UBR3: variants seen among roughly 807,000 people sequenced by gnomAD.
The protein encoded by UBR3 is ubiquitin protein ligase E3 component n-recognin 3.
A neutral mutation model predicts 243.2 loss-of-function variants in UBR3; 85 were observed. The ratio of observed to expected loss-of-function variants is 0.35; its 90% CI spans 0.29 to 0.42. The LOEUF (loss-of-function observed/expected upper bound fraction) is 0.42, where lower values mean the gene tolerates loss of function less well. Among genes scored for constraint, UBR3 ranks in the 10% least tolerant of loss-of-function variants. UBR3 has a pLI of 1.00. For synonymous variants in UBR3, 748 were observed against 799.8 expected (o/e 0.94, Z 1.09); for missense variants, 1,686 against 2,300.8 (o/e 0.73, Z 5.47).
intron 26 of UBR3, among the ~76,000 whole-genome samples, chr2:169,999,537 G>A (rs1248638012): frequency 6.6e-6 from 1 of 152,176 alleles, no homozygotes; most frequent in Admixed American, 6.5e-5. Flanking sequence ...AAGCATGTAA[G>A]TACATGCTTG....
intron 26 of UBR3, among the ~76,000 whole-genome samples, chr2:169,996,733 G>A (rs1349371866): frequency 2.5e-5 from 3 of 119,628 alleles, no homozygotes; most frequent in Non-Finnish European, 4.8e-5. Flanking sequence ...TCACTCCATC[G>A]CCAGGCTAGA....
intron 32 of UBR3, among the ~76,000 whole-genome samples, chr2:170,053,088 G>GAATT (rs2091258380): frequency 6.6e-6 from 1 of 152,166 alleles, no homozygotes; most frequent in African/African-American, 2.4e-5. Flanking sequence ...GTGCTGGAAA[G>GAATT]AATTAACATA....
Position 170,005,432 on chromosome 2 carries a change from T to C in UBR3, c.4030-1558T>C, listed in dbSNP as rs183534579. On this transcript the variant is annotated intron_variant, in intron 27 of 38. Coordinates refer to ENST00000272793, the MANE Select transcript of UBR3 (RefSeq NM_172070.4). ...CGGCATACATTGGATTAATTTAATA[T>C]GAAGGCTTTGTTTGGTGTGAATGAT... Among the ~76,000 whole-genome samples the C allele has an allele frequency of 2.6e-5, 4 of 152,280 alleles. No individual in the cohort carries two copies. The East Asian group carries it at 7.7e-4, about 29-fold the overall frequency.
intron 23 of UBR3, among the ~76,000 whole-genome samples, chr2:169,952,511 A>G (rs2087081041): frequency 6.6e-6 from 1 of 152,144 alleles, no homozygotes. Context: ...CCTGGCCAAC[A>G]TGGTGAAACC....
intron 3 of UBR3, 129 bp downstream of exon 3, chr2:169,876,078 G>A (rs1306550715): frequency 1.6e-6 from 1 of 640,682 alleles, no homozygotes; most frequent in Non-Finnish European, 2.3e-6. Context: ...GTTATTAAGA[G>A]AACTTCTTTT....
At chr2:169,982,770 T>G (rs1177217871) in intron 24 of UBR3, among the ~76,000 whole-genome samples, 1 of 149,516 alleles carries the variant, frequency 6.7e-6, no homozygotes, top group East Asian at 1.9e-4. Flanking sequence ...AATTATTATA[T>G]TAGTTAGCAA....
At chr2:169,960,334 T>G (rs1051425804) in intron 24 of UBR3, among the ~76,000 whole-genome samples, 20 of 152,168 alleles carry the variant, frequency 1.3e-4, no homozygotes, top group Admixed American at 1.2e-3. Flanking sequence ...AGACTTGGGT[T>G]CCAGCCCCAA....
Position 170,061,306 on chromosome 2 carries a change from T to C in UBR3, c.4894-12T>C. 6.2e-7 allele frequency: 1 copy of C among 1,609,158 alleles called. No individual in the cohort carries two copies. The highest frequency in any genetic ancestry group is 8.5e-7 in the Non-Finnish European group (1 of 1,178,772). On this transcript the variant is annotated splice_polypyrimidine_tract_variant and intron_variant, in intron 34 of 38. Coordinates refer to ENST00000272793, the MANE Select transcript of UBR3 (RefSeq NM_172070.4). The stretch of plus-strand genomic sequence containing the variant: ...TAGACTGACTTGTTCAAATTTTCTT[T>C]TTTAACTTTAGGTTAACCCTATTGC...
intron 11 of UBR3, among the ~76,000 whole-genome samples, chr2:169,919,437 G>A (rs908465898): frequency 1.5e-4 from 23 of 152,150 alleles, no homozygotes; most frequent in Non-Finnish European, 3.1e-4. Flanking sequence ...AAAAGCAATG[G>A]CAACAAAAGC....
intron 36 of UBR3, chr2:170,077,993 T>G: frequency 1.5e-6 from 1 of 653,574 alleles, no homozygotes; most frequent in East Asian, 3.1e-5. Context: ...TTAATCATAC[T>G]GGGAAGTACG....
intron 5 of UBR3, among the ~76,000 whole-genome samples, chr2:169,880,081 T>A (rs1248846233): frequency 3.3e-5 from 5 of 152,176 alleles, no homozygotes; most frequent in Admixed American, 1.3e-4. Flanking sequence ...TGGAATGGCC[T>A]ATTAAAAGGC....
intron 26 of UBR3, among the ~76,000 whole-genome samples, chr2:169,996,650 A>G (rs753951527): frequency 1.9e-4 from 24 of 128,212 alleles, no homozygotes; most frequent in Non-Finnish European, 2.5e-4. Flanking sequence ...GTGTACACAT[A>G]TTTTCACACT....
At chr2:170,060,660 C>T (rs1003136138) in intron 33 of UBR3, among the ~76,000 whole-genome samples, 1 of 151,904 alleles carries the variant, frequency 6.6e-6, no homozygotes, top group Non-Finnish European at 1.5e-5. Flanking sequence ...AGTTGGTATT[C>T]CATTTTTTAG....
intron 32 of UBR3, among the ~76,000 whole-genome samples, chr2:170,052,082 A>G (rs1041094025): frequency 3.3e-5 from 5 of 152,144 alleles, no homozygotes; most frequent in African/African-American, 1.2e-4. Context: ...TATAATGTTA[A>G]TTTTCTACCT....
chr2:169,960,678 C>G (rs2087531010), intron 24 of UBR3, among the ~76,000 whole-genome samples: 1 of 151,986 alleles, frequency 6.6e-6, no homozygotes, highest in South Asian at 2.1e-4. Flanking sequence ...AATAAGCACC[C>G]CATCCTTCCT....
At position 169,923,850 on chromosome 2, in the gene UBR3, A is replaced by G. The variant is rs546051431; in HGVS notation, c.1867-79A>G. ...TATAGGAATAAATCCAGGTGAGAGT[A>G]TGGTTTAAACATTTTACAACCATCT... On this transcript the variant is annotated intron_variant, in intron 11 of 38. Transcript: ENST00000272793. 77 of 1,194,226 alleles carry G rather than the reference A, an allele frequency of 6.4e-5. 1 individual carries two copies. The African/African-American group carries it at 1.1e-3, about 17-fold the overall frequency. 74.0% of individuals were successfully genotyped at this position (1,194,226 alleles called of 1,614,324 possible). A position where few individuals can be genotyped will look rare whatever the true frequency, so the allele number is the denominator to read the frequency against.
chr2:169,830,840 G>A (rs933729599), intron 1 of UBR3, among the ~76,000 whole-genome samples: 3 of 151,828 alleles, frequency 2.0e-5, no homozygotes, highest in African/African-American at 7.3e-5. Flanking sequence ...GAACCTGAAG[G>A]TAGGAAATAA....
chr2:170,028,646 CA>C (rs146272492), intron 30 of UBR3, among the ~76,000 whole-genome samples: 7,734 of 144,648 alleles, frequency 0.053, 392 homozygotes, highest in African/African-American at 0.14. Flanking sequence ...TCATTTATAA[CA>C]AAAAAAGAAG....
intron 5 of UBR3, among the ~76,000 whole-genome samples, chr2:169,883,837 T>A (rs1449576747): frequency 6.6e-6 from 1 of 152,204 alleles, no homozygotes; most frequent in Non-Finnish European, 1.5e-5. Context: ...ATTATAAGGT[T>A]ATTTTATTTA....
Sources: gnomAD v4.1 joint callset for allele counts (sites outside exome capture counted in the v4.1 genomes callset) on GRCh38, gnomAD v4.1.1 for gene constraint, MANE v1.5 for transcripts, NCBI Gene and HGNC (gene_info 2026-07-23, HGNC 2026-07-21) for gene names.